The following PDE11A variants were observed in gnomAD, a reference collection of about 807,000 sequenced individuals.
PDE11A encodes phosphodiesterase 11A.
PDE11A carries 100 observed loss-of-function variants against 100.5 expected under a neutral mutation model. That is an observed-to-expected ratio of 1.00 (90% CI 0.85 to 1.18). The LOEUF (loss-of-function observed/expected upper bound fraction) is 1.18, where lower values mean the gene tolerates loss of function less well. Ranked by LOEUF, PDE11A falls within the 50% of genes most tolerant of loss-of-function variation. The pLI is 0.00. For synonymous variants in PDE11A, 381 were observed against 420.8 expected (o/e 0.91, Z 1.16); for missense variants, 1,141 against 1,152.6 (o/e 0.99, Z 0.15).
intron 16 of PDE11A, 49 bp downstream of exon 16, chr2:177,680,777 C>CTAAA (rs1397310062): frequency 4.9e-6 from 5 of 1,028,152 alleles, no homozygotes; most frequent in Non-Finnish European, 6.1e-6. Flanking sequence ...TTTATGTGGA[C>CTAAA]TAAATGTCCA....
intron 19 of PDE11A, among the ~76,000 whole-genome samples, chr2:177,660,370 A>G (rs1449558649): frequency 6.6e-6 from 1 of 152,054 alleles, no homozygotes; most frequent in African/African-American, 2.4e-5. Flanking sequence ...CAATACCACA[A>G]TGACATGCTG....
chr2:177,769,518 T>C (rs1366764472), intron 9 of PDE11A, 145 bp from the exon 10 acceptor site: 1 of 638,106 alleles, frequency 1.6e-6, no homozygotes, highest in Non-Finnish European at 2.8e-6. Flanking sequence ...ACAACATGTC[T>C]AATAACATTC....
intron 3 of PDE11A, among the ~76,000 whole-genome samples, chr2:177,902,313 A>G (rs534449051): frequency 8.4e-4 from 128 of 151,768 alleles, no homozygotes; most frequent in Non-Finnish European, 1.4e-3. Context: ...TCCCAAACCT[A>G]TAAGAAACAA....
At chr2:178,061,825 TA>T (rs2086973235) in intron 1 of PDE11A, among the ~76,000 whole-genome samples, 1 of 152,236 alleles carries the variant, frequency 6.6e-6, no homozygotes, top group Non-Finnish European at 1.5e-5. Context: ...TGATTCTTTT[TA>T]GGCTATTTCT....
intron 2 of PDE11A, among the ~76,000 whole-genome samples, chr2:177,910,021 T>G (rs2084853837): frequency 1.3e-5 from 2 of 152,206 alleles, no homozygotes; most frequent in Admixed American, 1.3e-4. Context: ...CCAATTTGTA[T>G]TTTGTCAGCC....
In PDE11A at chr2:177,636,305, G is replaced by C. The variant is rs576968744; in HGVS notation, c.2647-6743C>G. Among the ~76,000 whole-genome samples the C allele has an allele frequency of 2.6e-4, 39 of 152,154 alleles. No homozygotes were observed. In the East Asian group the frequency reaches 7.3e-3, roughly 29 times the overall value. On this transcript the variant is annotated intron_variant, in intron 19 of 19. Transcript: ENST00000286063. ...ATGCTAATTTCTACACAGTACACTT[G>C]GTATCACTGAAGCATCATAATCATG...
intron 9 of PDE11A, among the ~76,000 whole-genome samples, chr2:177,794,547 C>T (rs2082678116): frequency 6.6e-6 from 1 of 152,128 alleles, no homozygotes; most frequent in Admixed American, 6.6e-5. Flanking sequence ...ATTAAGGAGC[C>T]ATTTTCCTCC....
intron 17 of PDE11A, among the ~76,000 whole-genome samples, chr2:177,675,210 C>T (rs2080750165): frequency 1.4e-5 from 2 of 146,528 alleles, no homozygotes; most frequent in Admixed American, 1.4e-4. Context: ...AGATTTCGCA[C>T]ATTAAAAATA....
intron 10 of PDE11A, among the ~76,000 whole-genome samples, chr2:177,741,366 G>T (rs2081869328): frequency 2.0e-5 from 3 of 152,110 alleles, no homozygotes; most frequent in Admixed American, 1.3e-4. Context: ...ACTTCATTTA[G>T]CCTTAATGAC....
chr2:177,945,661 G>C (rs1290177296), intron 2 of PDE11A, among the ~76,000 whole-genome samples: 7 of 152,066 alleles, frequency 4.6e-5, no homozygotes, highest in African/African-American at 1.2e-4. Flanking sequence ...CTCTCCGCCC[G>C]GCAGCCACCC....
At chr2:177,776,946 T>G (rs2082386434) in intron 9 of PDE11A, among the ~76,000 whole-genome samples, 1 of 152,170 alleles carries the variant, frequency 6.6e-6, no homozygotes, top group Non-Finnish European at 1.5e-5. Flanking sequence ...GCTGTTCTCA[T>G]GATAGTGAGT....
intron 4 of PDE11A, among the ~76,000 whole-genome samples, chr2:177,877,830 C>A (rs1416660698): frequency 2.0e-5 from 3 of 152,098 alleles, no homozygotes; most frequent in Non-Finnish European, 4.4e-5. Flanking sequence ...GAAAAACAAG[C>A]CCCTATAGTG....
chr2:178,037,728 G>A (rs2086633600), intron 1 of PDE11A, among the ~76,000 whole-genome samples: 1 of 152,162 alleles, frequency 6.6e-6, no homozygotes, highest in Non-Finnish European at 1.5e-5. Flanking sequence ...GCAGGGACAT[G>A]GATGAAGCTG....
intron 18 of PDE11A, among the ~76,000 whole-genome samples, chr2:177,668,609 C>T (rs945294822): frequency 2.0e-5 from 3 of 152,196 alleles, no homozygotes; most frequent in Admixed American, 1.3e-4. Flanking sequence ...TGAAACTATT[C>T]AAACTAGGAG....
chr2:177,890,276 A>T (rs575179154), intron 4 of PDE11A, among the ~76,000 whole-genome samples: 2 of 152,252 alleles, frequency 1.3e-5, no homozygotes, highest in East Asian at 3.9e-4. Context: ...TGTTTCCAGG[A>T]TGACTTGTCT....
chr2:178,107,683 A>C (rs1439974390), intron 1 of PDE11A, among the ~76,000 whole-genome samples: 3 of 151,198 alleles, frequency 2.0e-5, no homozygotes, highest in Non-Finnish European at 4.4e-5. Context: ...TTAATATTCA[A>C]TCTATAATCT....
Position 177,675,643 on chromosome 2 carries a change from T to C in PDE11A, c.2424-125A>G, listed in dbSNP as rs113351119. The stretch of plus-strand genomic sequence containing the variant: ...GAGGCCAGCTCACATCTTCCTTTCC[T>C]CAACAAGGGGCAGCACTGTTTATAG... On this transcript the variant is annotated intron_variant, in intron 16 of 19. Coordinates refer to ENST00000286063, the MANE Select transcript of PDE11A (RefSeq NM_016953.4). 2,408 of 755,976 alleles carry C rather than the reference T, an allele frequency of 3.2e-3. 18 individuals are homozygous for C. Among genetic ancestry groups the C allele is most frequent in the African/African-American group, 0.011 (624 of 58,038 alleles). 46.8% of individuals were successfully genotyped at this position (755,976 alleles called of 1,614,324 possible). A position where few individuals can be genotyped will look rare whatever the true frequency, so the allele number is the denominator to read the frequency against.
intron 19 of PDE11A, among the ~76,000 whole-genome samples, chr2:177,655,051 C>T (rs1029827100): frequency 3.9e-5 from 6 of 152,096 alleles, no homozygotes; most frequent in African/African-American, 1.2e-4. Context: ...AAAAGAGTTA[C>T]GTATGTTGGT....
chr2:178,084,730 T>C (rs1160199927), intron 2 of PDE11A, among the ~76,000 whole-genome samples: 2 of 151,070 alleles, frequency 1.3e-5, no homozygotes, highest in Non-Finnish European at 1.5e-5. Context: ...GAAATGCGTA[T>C]ACATGTTTAT....
Sources: gnomAD v4.1 joint callset for allele counts (sites outside exome capture counted in the v4.1 genomes callset) on GRCh38, gnomAD v4.1.1 for gene constraint, MANE v1.5 for transcripts, NCBI Gene and HGNC (gene_info 2026-07-23, HGNC 2026-07-21) for gene names.